Variants in DRC3 observed in about 807,000 individuals in gnomAD.
The protein encoded by DRC3 is dynein regulatory complex subunit 3, also known as leucine rich repeat containing 48.
DRC3 carries 45 observed loss-of-function variants against 57.6 expected under a neutral mutation model. That is an observed-to-expected ratio of 0.78 (90% CI 0.62 to 1.00). The LOEUF is 1.00. DRC3 is among the 50% of genes least tolerant of loss of function. The pLI is 0.00. For missense variants in DRC3, 655 were observed against 675.2 expected, an observed-to-expected ratio of 0.97 and a Z score of 0.33; for synonymous variants, 257 against 272.3, an observed-to-expected ratio of 0.94 and a Z score of 0.55.
intron 3 of DRC3, among the ~76,000 whole-genome samples, chr17:17,982,580 CTTT>C (rs200264642): frequency 3.0e-5 from 4 of 133,632 alleles, no homozygotes; most frequent in Admixed American, 7.8e-5. Context: ...TGAGCATATT[CTTT>C]TTTTTTTTTT....
chr17:18,006,776 AG>A, intron 11 of DRC3: 1 of 486,574 alleles, frequency 2.1e-6, no homozygotes, highest in Non-Finnish European at 3.7e-6. Context: ...GTTAACCCAG[AG>A]GCCAGGAGCC....
Position 18,004,813 on chromosome 17 carries a change from A to C in DRC3, c.1131+319A>C, listed in dbSNP as rs61060916. The C allele has an allele frequency of 9.3e-3, 2,529 of 270,626 alleles. 73 individuals carry two copies. The highest frequency in any genetic ancestry group is 0.051 in the African/African-American group (2,343 of 45,674). 16.8% of individuals were successfully genotyped at this position (270,626 alleles called of 1,614,324 possible). A position where few individuals can be genotyped will look rare whatever the true frequency, so the allele number is the denominator to read the frequency against. On this transcript the variant is annotated intron_variant, in intron 10 of 13. Transcript: ENST00000399187. ...TACTCTAAAGGCAAAGCGCACCCCC[A>C]CTTGGGGACCAAACAAAGACCCCTC...
intron 9 of DRC3, among the ~76,000 whole-genome samples, chr17:17,999,914 CTG>C (rs147338372): frequency 0.019 from 2,915 of 151,518 alleles, 75 homozygotes; most frequent in African/African-American, 0.058. Flanking sequence ...TCCTGTATCT[CTG>C]TGTGTGTGTG....
At position 17,977,539 on chromosome 17, in the gene DRC3, G is replaced by A; in HGVS notation, c.-17-43G>A. On this transcript the variant is annotated intron_variant, in intron 2 of 13. Transcript: ENST00000399187. ...CTCAGCCAGACCCTGCCCTCAAACA[G>A]AGAAAGAAGCAGGCCGTGAAGGAAG... is the stretch of plus-strand genomic sequence containing the variant. The A allele has an allele frequency of 1.9e-6, 3 of 1,611,238 alleles. No individual in the cohort carries two copies. The African/African-American group carries it at 4.0e-5, about 21-fold the overall frequency.
chr17:17,999,926 G>A (rs940872434), intron 9 of DRC3, among the ~76,000 whole-genome samples: 2 of 152,256 alleles, frequency 1.3e-5, no homozygotes, highest in Admixed American at 6.5e-5. Flanking sequence ...GTGTGTGTGT[G>A]TGTGCGTGCG....
chr17:17,979,771 G>A (rs2042567150), intron 3 of DRC3, among the ~76,000 whole-genome samples: 1 of 152,168 alleles, frequency 6.6e-6, no homozygotes, highest in South Asian at 2.1e-4. Context: ...AGGGTTGGGA[G>A]GTGGCCGGGA....
chr17:17,995,329 T>A (rs1475307139), intron 8 of DRC3, among the ~76,000 whole-genome samples: 1 of 152,222 alleles, frequency 6.6e-6, no homozygotes, highest in African/African-American at 2.4e-5. Flanking sequence ...ATGTGTAGTA[T>A]CTGGTCAGCA....
At chr17:17,980,688 G>A (rs538521233) in intron 3 of DRC3, among the ~76,000 whole-genome samples, 4 of 145,862 alleles carry the variant, frequency 2.7e-5, no homozygotes, top group South Asian at 2.2e-4. Context: ...TTCACCTCCC[G>A]GGTTCAAGTG....
At chr17:17,995,339 A>G (rs1181503986) in intron 8 of DRC3, among the ~76,000 whole-genome samples, 1 of 152,230 alleles carries the variant, frequency 6.6e-6, no homozygotes, top group African/African-American at 2.4e-5. Flanking sequence ...TCTGGTCAGC[A>G]TGGCATGGGC....
intron 12 of DRC3, among the ~76,000 whole-genome samples, chr17:18,009,681 T>G (rs1026178845): frequency 1.4e-4 from 22 of 152,282 alleles, no homozygotes; most frequent in African/African-American, 4.8e-4. Flanking sequence ...GTCTACTGTA[T>G]AGCAAGATGG....
chr17:18,014,768 A>G (rs575177754), intron 12 of DRC3, among the ~76,000 whole-genome samples: 1 of 152,342 alleles, frequency 6.6e-6, no homozygotes, highest in African/African-American at 2.4e-5. Flanking sequence ...TAAAATAACC[A>G]GGACACCCAC....
chr17:17,989,091 C>T (rs1054878326), intron 5 of DRC3, among the ~76,000 whole-genome samples: 40 of 152,088 alleles, frequency 2.6e-4, no homozygotes, highest in African/African-American at 8.7e-4. Context: ...TAGCTGAGGG[C>T]CTTCCTGCGA....
At chr17:18,004,233 G>T in intron 9 of DRC3, 130 bp from the exon 10 acceptor site, 2 of 982,622 alleles carry the variant, frequency 2.0e-6, no homozygotes, top group Non-Finnish European at 1.5e-6. Flanking sequence ...CCAGCAAATG[G>T]CAAAGCTGAG....
chr17:18,001,654 G>A (rs2043735851), intron 9 of DRC3, among the ~76,000 whole-genome samples: 1 of 152,028 alleles, frequency 6.6e-6, no homozygotes, highest in Non-Finnish European at 1.5e-5. Context: ...TTTTTGGCTG[G>A]GGGAGGTGGT....
At chr17:17,986,752 C>T (rs903903975) in intron 4 of DRC3, among the ~76,000 whole-genome samples, 4 of 152,078 alleles carry the variant, frequency 2.6e-5, no homozygotes, top group African/African-American at 9.7e-5. Context: ...GTGTAAGCCA[C>T]TACGCCCAGC....
chr17:18,013,139 A>C (rs2044227243), intron 12 of DRC3, among the ~76,000 whole-genome samples: 1 of 152,234 alleles, frequency 6.6e-6, no homozygotes, highest in African/African-American at 2.4e-5. Flanking sequence ...ATTATCAAAA[A>C]GACAAAAAAT....
At chr17:18,006,927 C>T (rs1011486854) in intron 11 of DRC3, 97 bp from the exon 12 acceptor site, 28 of 1,537,524 alleles carry the variant, frequency 1.8e-5, no homozygotes, top group South Asian at 3.6e-5. Context: ...TTTCCGAGCT[C>T]GCCTTGGGCC....
At chr17:18,013,307 TAAAGG>T (rs1413230534) in intron 12 of DRC3, among the ~76,000 whole-genome samples, 1 of 152,124 alleles carries the variant, frequency 6.6e-6, no homozygotes, top group Non-Finnish European at 1.5e-5. Context: ...AGCATTTGTC[TAAAGG>T]AAAGGAAATC....
rs1380678977 is a variant in DRC3 at position 17,983,430 on chromosome 17, C to G, written c.161-398C>G. Among the ~76,000 whole-genome samples, 3 of 152,284 alleles carry G rather than the reference C, an allele frequency of 2.0e-5. No homozygotes were observed. The South Asian group carries it at 6.2e-4, about 32-fold the overall frequency. ...ACCAACAGAGACACATGTTTTCATT[C>G]TATTTATCACACTGTGGAAGGAAGG... On this transcript the variant is annotated intron_variant, in intron 3 of 13. Coordinates refer to ENST00000399187, the MANE Select transcript of DRC3 (RefSeq NM_031294.4).
Sources: gnomAD v4.1 joint callset for allele counts (sites outside exome capture counted in the v4.1 genomes callset) on GRCh38, gnomAD v4.1.1 for gene constraint, MANE v1.5 for transcripts, NCBI Gene and HGNC (gene_info 2026-07-23, HGNC 2026-07-21) for gene names.